Variants in TAFA5 observed in about 807,000 individuals in gnomAD.
TAFA5 encodes the protein TAFA chemokine like family member 5.
In TAFA5, 6 loss-of-function variants were observed where a neutral mutation model predicts 15.3. The ratio of observed to expected loss-of-function variants is 0.39; its 90% CI spans 0.21 to 0.77. The LOEUF (loss-of-function observed/expected upper bound fraction) is 0.77. TAFA5 is among the 30% of genes least tolerant of loss of function. TAFA5 has a pLI of 0.41. For synonymous variants in TAFA5, 103 were observed against 80.7 expected (o/e 1.28, Z -1.48); for missense variants, 161 against 193.1 (o/e 0.83, Z 0.98).
At chr22:48,504,273 G>A (rs1402016353) in intron 1 of TAFA5, among the ~76,000 whole-genome samples, 1 of 152,202 alleles carries the variant, frequency 6.6e-6, no homozygotes, top group Non-Finnish European at 1.5e-5. Context: ...CTTTATCTTA[G>A]GTGCATGTGT....
intron 1 of TAFA5, among the ~76,000 whole-genome samples, chr22:48,513,245 C>G (rs760372699): frequency 4.6e-5 from 7 of 152,260 alleles, no homozygotes; most frequent in Non-Finnish European, 7.3e-5. Context: ...CTGCAAATTT[C>G]AGGAAAATGA....
chr22:48,693,399 G>T (rs756318908), intron 2 of TAFA5: 1 of 1,612,250 alleles, frequency 6.2e-7, no homozygotes, highest in African/African-American at 1.3e-5. Context: ...GGAGATCCGT[G>T]CGCGTCATAG....
rs1930493624 is a variant in TAFA5 at position 48,751,487 on chromosome 22, A to T, written c.*1640A>T. ...AGTATTATGCTAGTTCTATCCTACT[A>T]AAAAAAACGTAAAAAAATAACTATA... On this transcript the variant is annotated 3_prime_UTR_variant, in exon 4 of 4. Transcript: ENST00000402357. 1 of 152,300 alleles carries T rather than the reference A, an allele frequency of 6.6e-6. No individual in the cohort carries two copies. The highest frequency in any genetic ancestry group is 2.4e-5 in the African/African-American group (1 of 41,408). The allele number at this position is 152,300 out of a possible 1,614,324, so 9.4% of individuals were successfully genotyped here.
At chr22:48,692,695 G>T (rs28535526) in intron 2 of TAFA5, among the ~76,000 whole-genome samples, 3 of 152,208 alleles carry the variant, frequency 2.0e-5, no homozygotes, top group Non-Finnish European at 4.4e-5. Context: ...GGGGAACTCC[G>T]CAGAGCTCTC....
intron 1 of TAFA5, among the ~76,000 whole-genome samples, chr22:48,583,788 T>C (rs145463015): frequency 0.79 from 114,510 of 144,942 alleles, 43,734 homozygotes; most frequent in Middle Eastern, 0.85. Flanking sequence ...CATGCAAACA[T>C]ACCACACAGC....
intron 3 of TAFA5, among the ~76,000 whole-genome samples, chr22:48,719,913 CA>C (rs130168): frequency 0.32 from 48,806 of 151,502 alleles, 8,266 homozygotes; most frequent in Non-Finnish European, 0.37. Flanking sequence ...AGCCCAGAAA[CA>C]AAAAAAAATT....
At chr22:48,667,861 A>G (rs183151935) in intron 2 of TAFA5, among the ~76,000 whole-genome samples, 863 of 3,764 alleles carry the variant, frequency 0.23, 250 homozygotes, top group African/African-American at 0.43. Flanking sequence ...GGGAGCTGTA[A>G]TCCCCCAGCA....
chr22:48,612,369 C>T (rs1019788548), intron 1 of TAFA5, among the ~76,000 whole-genome samples: 2 of 152,220 alleles, frequency 1.3e-5, no homozygotes, highest in Non-Finnish European at 2.9e-5. Context: ...CTGTGCGCGT[C>T]TTGGGAGACT....
intron 3 of TAFA5, among the ~76,000 whole-genome samples, chr22:48,711,676 C>T (rs118074028): frequency 0.013 from 2,031 of 152,332 alleles, 22 homozygotes; most frequent in South Asian, 0.054. Flanking sequence ...GAGATGATGG[C>T]GTTCTCATAA....
chr22:48,701,893 A>T (rs1928918517), intron 2 of TAFA5, among the ~76,000 whole-genome samples: 1 of 152,148 alleles, frequency 6.6e-6, no homozygotes, highest in African/African-American at 2.4e-5. Flanking sequence ...GCTGCCACTG[A>T]CGAGGGTCTA....
At chr22:48,625,727 G>A (rs887884582) in intron 1 of TAFA5, among the ~76,000 whole-genome samples, 1 of 152,224 alleles carries the variant, frequency 6.6e-6, no homozygotes, top group African/African-American at 2.4e-5. Context: ...TGCATAGATT[G>A]AAGTTCACTC....
chr22:48,655,588 A>G (rs539656604), intron 2 of TAFA5, among the ~76,000 whole-genome samples: 12 of 152,120 alleles, frequency 7.9e-5, no homozygotes, highest in African/African-American at 2.9e-4. Context: ...AGCTTTCATG[A>G]CCTGAACATC....
intron 1 of TAFA5, among the ~76,000 whole-genome samples, chr22:48,511,528 C>G (rs780739096): frequency 3.3e-5 from 5 of 152,206 alleles, no homozygotes; most frequent in Non-Finnish European, 5.9e-5. Flanking sequence ...CTGCAGAAAG[C>G]CATTTCTCAG....
At chr22:48,569,998 G>A (rs1465073215) in intron 1 of TAFA5, among the ~76,000 whole-genome samples, 2 of 152,258 alleles carry the variant, frequency 1.3e-5, no homozygotes, top group Non-Finnish European at 2.9e-5. Context: ...CCCTGAGGCT[G>A]TGCTCTTCCT....
At chr22:48,606,146 G>A (rs1007184874) in intron 1 of TAFA5, among the ~76,000 whole-genome samples, 6 of 152,160 alleles carry the variant, frequency 3.9e-5, no homozygotes, top group East Asian at 3.9e-4. Context: ...GCAGGGCTCC[G>A]CTCTCCTCCA....
At chr22:48,534,725 C>T (rs898105823) in intron 1 of TAFA5, among the ~76,000 whole-genome samples, 5 of 152,142 alleles carry the variant, frequency 3.3e-5, no homozygotes, top group African/African-American at 9.7e-5. Flanking sequence ...TACCCTGGAA[C>T]GGGGGGAGGG....
Position 48,517,741 on chromosome 22 carries a change from G to A in TAFA5, c.112+28037G>A, listed in dbSNP as rs572864917. ...ACCGAGATCCCCACATCCAGCAGCC[G>A]CGGTGAGGCTGGCCTGCCTGCTTCC... On this transcript the variant is annotated intron_variant, in intron 1 of 3. Transcript: ENST00000402357. Among the ~76,000 whole-genome samples, 46 of 152,128 alleles carry A rather than the reference G, an allele frequency of 3.0e-4. No individual in the cohort carries two copies. The South Asian group carries it at 5.8e-3, about 19-fold the overall frequency.
chr22:48,653,609 G>A lies in TAFA5; in HGVS notation c.262+6863G>A, dbSNP rs538541456. Among the ~76,000 whole-genome samples, 24 of 152,318 alleles carry A rather than the reference G, an allele frequency of 1.6e-4. 1 individual carries two copies. The highest frequency in any genetic ancestry group is 5.8e-4 in the African/African-American group (24 of 41,576). On this transcript the variant is annotated intron_variant, in intron 2 of 3. Coordinates refer to ENST00000402357, the MANE Select transcript of TAFA5 (RefSeq NM_001082967.3). Reference sequence around the variant, plus strand: ...AGTTTTACCAGAAGGGAGCAAGCCAGTCCTTCTCCAGCAAGTTACCCAGCA... The same window carrying A: ...AGTTTTACCAGAAGGGAGCAAGCCAATCCTTCTCCAGCAAGTTACCCAGCA...
intron 1 of TAFA5, among the ~76,000 whole-genome samples, chr22:48,538,261 G>A (rs1922239508): frequency 1.3e-5 from 2 of 152,186 alleles, no homozygotes; most frequent in Admixed American, 6.5e-5. Context: ...TGGGAGATGG[G>A]ACTGAGCAGG....
Sources: gnomAD v4.1 joint callset for allele counts (sites outside exome capture counted in the v4.1 genomes callset) on GRCh38, gnomAD v4.1.1 for gene constraint, MANE v1.5 for transcripts, NCBI Gene and HGNC (gene_info 2026-07-23, HGNC 2026-07-21) for gene names.